The following FAN1 variants were observed in gnomAD, a reference collection of about 807,000 sequenced individuals.
The protein encoded by FAN1 is FANCD2 and FANCI associated nuclease 1, also known as fanconi-associated nuclease 1.
Under a neutral mutation model 104.9 loss-of-function variants are expected in FAN1, and 91 were observed. That is an observed-to-expected ratio of 0.87 (90% CI 0.73 to 1.03). FAN1 has a LOEUF of 1.03. Among genes scored for constraint, FAN1 ranks in the 50% least tolerant of loss-of-function variants. The probability of loss-of-function intolerance (pLI) is 0.00; values close to 1 mark genes in which losing one functional copy is unlikely to be tolerated. For missense variants in FAN1, 1,263 were observed against 1,239.9 expected, an observed-to-expected ratio of 1.02 and a Z score of -0.28; for synonymous variants, 478 against 457.6, an observed-to-expected ratio of 1.04 and a Z score of -0.57.
chr15:30,941,761 C>CT lies in FAN1; in HGVS notation c.*201dup, dbSNP rs1566942807. On this transcript the variant is annotated 3_prime_UTR_variant, in exon 15 of 15. Transcript: ENST00000362065. ...CGACTTCATCAGCCAGGAGGGAGAG[C>CT]TTGTGAAAGGCTGTGATGGAGCCAC... The CT allele has an allele frequency of 6.2e-7, 1 of 1,613,998 alleles. No homozygotes were observed. Among genetic ancestry groups the CT allele is most frequent in the East Asian group, 2.2e-5 (1 of 44,884 alleles).
intron 10 of FAN1, chr15:30,927,223 A>G: frequency 1.1e-6 from 1 of 925,756 alleles, no homozygotes; most frequent in Non-Finnish European, 1.2e-6. Flanking sequence ...CAAAACAAAC[A>G]AAGGAGTTCA....
At chr15:30,920,118 G>A (rs1036817479) in intron 6 of FAN1, among the ~76,000 whole-genome samples, 6 of 152,222 alleles carry the variant, frequency 3.9e-5, no homozygotes, top group African/African-American at 1.2e-4. Flanking sequence ...GTATGCAAAT[G>A]AATGAGCCTG....
chr15:30,941,095 C>A (rs950580154), intron 14 of FAN1: 3 of 1,225,600 alleles, frequency 2.4e-6, no homozygotes, highest in Non-Finnish European at 3.1e-6. Context: ...CTAAAAATGA[C>A]ACGAAACACA....
At chr15:30,924,974 A>T in intron 8 of FAN1, 153 bp from the exon 9 acceptor site, 1 of 741,016 alleles carries the variant, frequency 1.3e-6, no homozygotes, top group East Asian at 2.8e-5. Context: ...AATAAGATCT[A>T]AGGAAACAGC....
At chr15:30,939,067 G>T in intron 14 of FAN1, 1 of 985,390 alleles carries the variant, frequency 1.0e-6, no homozygotes, top group Non-Finnish European at 1.2e-6. Flanking sequence ...AGGCACAAAG[G>T]TTTTAGTTTT....
intron 3 of FAN1, among the ~76,000 whole-genome samples, 175 bp from the exon 4 acceptor site, chr15:30,910,439 A>C (rs916501919): frequency 6.6e-6 from 1 of 152,252 alleles, no homozygotes; most frequent in Admixed American, 6.5e-5. Flanking sequence ...GAGATATAAT[A>C]ATAGTGTTAT....
rs752217083 is a variant in FAN1, at chr15:30,941,569, C to T, written c.*7C>T. 1.0e-5 allele frequency: 16 copies of T among 1,600,890 alleles called. No individual in the cohort carries two copies. The highest frequency in any genetic ancestry group is 8.5e-7 in the Non-Finnish European group (1 of 1,173,212). The stretch of plus-strand genomic sequence containing the variant: ...CTAAAATGCTTCGTCTGCACAGATT[C>T]CCTACAGGAGAAAATGGAAATGAGG... On this transcript the variant is annotated 3_prime_UTR_variant, in exon 15 of 15. Transcript: ENST00000362065.
At chr15:30,925,742 C>G in intron 9 of FAN1, 47 bp from the exon 10 acceptor site, 1 of 1,606,176 alleles carries the variant, frequency 6.2e-7, no homozygotes, top group Non-Finnish European at 8.5e-7. Context: ...TTTTCAGGGA[C>G]TTTTGCTGAC....
chr15:30,904,978 A>G lies in FAN1; in HGVS notation c.315A>G (p.Pro105=), dbSNP rs775307810. The change falls in exon 2 of 15, where the codon CCA becomes CCG. Residue 105 remains proline, a synonymous_variant. Coordinates refer to ENST00000362065, the MANE Select transcript of FAN1 (RefSeq NM_014967.5). Reference sequence around the variant, plus strand: ...TAACACCTAAGAAGTCACCACCACCAAAGACAAATTTAACCCCTGGCCAAA... The same window carrying G: ...TAACACCTAAGAAGTCACCACCACCGAAGACAAATTTAACCCCTGGCCAAA... ...EDVTPKKSPP[P]KTNLTPGQSD... is the part of the protein sequence containing the mutation. The G allele has an allele frequency of 6.2e-7, 1 of 1,614,086 alleles. No homozygotes were observed. The highest frequency in any genetic ancestry group is 1.3e-5 in the African/African-American group (1 of 75,052).
Position 30,905,794 on chromosome 15 carries a change from G to C in FAN1, c.1131G>C (p.Arg377=). 1.2e-6 allele frequency: 2 copies of C among 1,614,196 alleles called. No individual in the cohort carries two copies. Among genetic ancestry groups the C allele is most frequent in the Non-Finnish European group, 1.7e-6 (2 of 1,180,030 alleles). The change falls in exon 2 of 15, where the codon CGG becomes CGC. Residue 377 remains arginine, a synonymous_variant. Transcript: ENST00000362065. Reference sequence around the variant, plus strand: ...CAACCGGTCATCCTTACTACCTTCGGAGTTTCCTTGTGGTGCTGAAAACCG... The same window carrying C: ...CAACCGGTCATCCTTACTACCTTCGCAGTTTCCTTGTGGTGCTGAAAACCG... The part of the protein sequence containing the change: ...GQTTGHPYYL[R]SFLVVLKTVL...
chr15:30,905,159 G>C lies in FAN1; in HGVS notation c.496G>C (p.Ala166Pro), dbSNP rs768460447. 8.1e-6 allele frequency: 13 copies of C among 1,613,766 alleles called. No homozygotes were observed. The highest frequency in any genetic ancestry group is 1.1e-5 in the Non-Finnish European group (13 of 1,179,996). The change falls in exon 2 of 15, where the codon GCT becomes CCT. Residue 166 changes from alanine (A) to proline (P), a missense_variant. Coordinates refer to ENST00000362065, the MANE Select transcript of FAN1 (RefSeq NM_014967.5). Reference protein sequence around the residue: ...ASKLSRKYVKAKKSIDKDEEF... With the variant: ...ASKLSRKYVKPKKSIDKDEEF... ...TAAATTGTCCAGAAAATACGTAAAG[G>C]CTAAAAAATCAATAGATAAGGATGA... is the stretch of plus-strand genomic sequence containing the variant.
At position 30,920,536 on chromosome 15, in the gene FAN1, T is replaced by A; in HGVS notation, c.1944-9T>A. ...ATTATTAAACTACTGGTATATGTCTTCATTTTAGATGCCACGAAGATTTAC... is the reference window on the plus strand; with the variant it reads ...ATTATTAAACTACTGGTATATGTCTACATTTTAGATGCCACGAAGATTTAC... On this transcript the variant is annotated splice_polypyrimidine_tract_variant and intron_variant, in intron 6 of 14. Coordinates refer to ENST00000362065, the MANE Select transcript of FAN1 (RefSeq NM_014967.5). 1 of 1,583,786 alleles carries A rather than the reference T, an allele frequency of 6.3e-7. No individual in the cohort carries two copies. Among genetic ancestry groups the A allele is most frequent in the Non-Finnish European group, 8.7e-7 (1 of 1,154,282 alleles).
intron 13 of FAN1, 110 bp from the exon 14 acceptor site, chr15:30,937,009 G>C: frequency 1.2e-6 from 1 of 820,680 alleles, no homozygotes; most frequent in Non-Finnish European, 2.0e-6. Flanking sequence ...CAAATACAGT[G>C]AGAGAGCAGA....
chr15:30,942,548 A>G lies in FAN1; in HGVS notation c.*986A>G, dbSNP rs757245368. ...CAATGAATGTTATTAGGACAAGAAT[A>G]TAGCAGTCAGGAGGCCATGACTACA... On this transcript the variant is annotated 3_prime_UTR_variant, in exon 15 of 15. Coordinates refer to ENST00000362065, the MANE Select transcript of FAN1 (RefSeq NM_014967.5). 5.4e-5 allele frequency: 18 copies of G among 333,308 alleles called. No individual in the cohort carries two copies. Among genetic ancestry groups the G allele is most frequent in the Non-Finnish European group, 8.1e-5 (15 of 184,456 alleles). 20.6% of individuals were successfully genotyped at this position (333,308 alleles called of 1,614,324 possible). A position where few individuals can be genotyped will look rare whatever the true frequency, so the allele number is the denominator to read the frequency against.
Position 30,922,225 on chromosome 15 carries a change from G to A in FAN1, c.2053-10G>A. ...AATCTAATGAGGTTTCTTTGTTATT[G>A]TTGCAATAGGAAGCCGTCAGAGAAC... On this transcript the variant is annotated splice_polypyrimidine_tract_variant and intron_variant, in intron 7 of 14. Transcript: ENST00000362065. The A allele has an allele frequency of 6.2e-7, 1 of 1,600,722 alleles. No homozygotes were observed. The highest frequency in any genetic ancestry group is 8.5e-7 in the Non-Finnish European group (1 of 1,176,906).
At chr15:30,940,007 A>G (rs2030428347) in intron 14 of FAN1, 25 of 976,232 alleles carry the variant, frequency 2.6e-5, no homozygotes, top group Non-Finnish European at 3.0e-5. Context: ...ATTCAAAAAG[A>G]AACAGCTATT....
chr15:30,905,671 C>G lies in FAN1; in HGVS notation c.1008C>G (p.Ile336Met), dbSNP rs1371646154. The change falls in exon 2 of 15, where the codon ATC becomes ATG. Residue 336 changes from isoleucine to methionine, a missense_variant. By Grantham distance (10) the Ile-to-Met change is conservative. Transcript: ENST00000362065. ...ATGATGCTTCTGCATGGAGTAACAT[C>G]CAAGAGGCTCCTCTGCAGGATGACA... ...SADDASAWSN[I>M]QEAPLQDDSC... 1.9e-6 allele frequency: 3 copies of G among 1,614,046 alleles called. No homozygotes were observed. The highest frequency in any genetic ancestry group is 2.2e-5 in the South Asian group (2 of 91,076).
In FAN1 at chr15:30,930,551, C is replaced by T. The variant is rs775134056; in HGVS notation, c.2796C>T (p.Val932=). 5 of 1,595,904 alleles carry T rather than the reference C, an allele frequency of 3.1e-6. No individual in the cohort carries two copies. The highest frequency in any genetic ancestry group is 2.2e-5 in the East Asian group (1 of 44,624). Residue 932 remains valine, a synonymous_variant, in exon 13 of 15, where the codon GTC becomes GTT. Coordinates refer to ENST00000362065, the MANE Select transcript of FAN1 (RefSeq NM_014967.5). ...CTGTGTTTTGTGTTCAGGATCTTGT[C>T]TCCTGCCTGGGGGGCCCTGTGCTCA... ...FTSLQQAQDL[V]SCLGGPVLSG...
Position 30,942,856 on chromosome 15 carries a change from G to T in FAN1, c.*1294G>T. On this transcript the variant is annotated 3_prime_UTR_variant, in exon 15 of 15. Coordinates refer to ENST00000362065, the MANE Select transcript of FAN1 (RefSeq NM_014967.5). ...GAAAAAGAGGTGTTTGGTTACGTGTGAGCCAACATCACGTTTTGTTAGCTG... is the reference window on the plus strand; with the variant it reads ...GAAAAAGAGGTGTTTGGTTACGTGTTAGCCAACATCACGTTTTGTTAGCTG... The T allele has an allele frequency of 6.5e-7, 1 of 1,532,318 alleles. No individual in the cohort carries two copies. The highest frequency in any genetic ancestry group is 8.8e-7 in the Non-Finnish European group (1 of 1,133,096). 94.9% of individuals were successfully genotyped at this position (1,532,318 alleles called of 1,614,324 possible).
Sources: allele counts gnomAD v4.1 joint callset (sites outside exome capture counted in the v4.1 genomes callset), GRCh38; gene constraint gnomAD v4.1.1; transcripts MANE v1.5; gene names NCBI Gene and HGNC (gene_info 2026-07-23, HGNC 2026-07-21).